RNF168: variants seen among roughly 807,000 people sequenced by gnomAD.
RNF168 encodes the protein ring finger protein 168.
Under a neutral mutation model 34.9 loss-of-function variants are expected in RNF168, and 34 were observed. The ratio of observed to expected loss-of-function variants is 0.97; its 90% CI spans 0.74 to 1.30. The LOEUF is 1.30. Among genes scored for constraint, RNF168 ranks in the 50% most tolerant of loss-of-function variants. RNF168 has a pLI of 0.00. For missense variants in RNF168, 725 were observed against 682.5 expected, an observed-to-expected ratio of 1.06 and a Z score of -0.69; for synonymous variants, 264 against 254.7, an observed-to-expected ratio of 1.04 and a Z score of -0.35.
chr3:196,492,031 A>G (rs2108652169), intron 1 of RNF168, among the ~76,000 whole-genome samples: 1 of 152,342 alleles, frequency 6.6e-6, no homozygotes, highest in Non-Finnish European at 1.5e-5. Flanking sequence ...CAAGCGTGGA[A>G]GATGAGAAAG....
chr3:196,483,126 C>T (rs1296492498), intron 4 of RNF168, among the ~76,000 whole-genome samples: 7 of 151,542 alleles, frequency 4.6e-5, no homozygotes, highest in Admixed American at 3.9e-4. Flanking sequence ...GTACCTCCCT[C>T]ATTTAACATT....
intron 2 of RNF168, 52 bp from the exon 3 acceptor site, chr3:196,487,630 T>A: frequency 1.3e-6 from 2 of 1,508,754 alleles, no homozygotes; most frequent in African/African-American, 2.7e-5. Flanking sequence ...TTGGTATACT[T>A]GCAATATTTC....
At chr3:196,492,573 C>G (rs2108652350) in intron 1 of RNF168, among the ~76,000 whole-genome samples, 1 of 152,146 alleles carries the variant, frequency 6.6e-6, no homozygotes, top group East Asian at 1.9e-4. Flanking sequence ...GTCAGGAGTT[C>G]AAAACCAGCC....
At chr3:196,493,319 T>C (rs954745281) in intron 1 of RNF168, among the ~76,000 whole-genome samples, 7 of 152,360 alleles carry the variant, frequency 4.6e-5, no homozygotes, top group Middle Eastern at 3.4e-3. Flanking sequence ...CAGTGAGTTA[T>C]TCAACTGCAG....
Position 196,500,470 on chromosome 3 carries a change from G to C in RNF168, c.301+2403C>G, listed in dbSNP as rs377438905. 3.9e-5 allele frequency among the ~76,000 whole-genome samples: 6 copies of C among 152,264 alleles called. No homozygotes were observed. In the South Asian group the frequency reaches 6.2e-4, roughly 16 times the overall value. On this transcript the variant is annotated intron_variant, in intron 1 of 5. Transcript: ENST00000318037. ...AGAAGCAGTCGGGTTCACAGAAATG[G>C]AAAGGAGAACGGTGGTTGCCAGGGG...
intron 4 of RNF168, among the ~76,000 whole-genome samples, chr3:196,482,228 G>GAT (rs1560269830): frequency 6.6e-6 from 1 of 151,922 alleles, no homozygotes; most frequent in Non-Finnish European, 1.5e-5. Flanking sequence ...TAATCAACAA[G>GAT]TTGTTTAGAA....
rs762709591 is a variant in RNF168, at chr3:196,503,197, T to G, written c.-24A>C. The G allele has an allele frequency of 1.2e-6, 2 of 1,608,212 alleles. No homozygotes were observed. The highest frequency in any genetic ancestry group is 4.5e-5 in the East Asian group (2 of 44,864). On this transcript the variant is annotated 5_prime_UTR_variant, in exon 1 of 6. Transcript: ENST00000318037. Reference sequence around the variant, plus strand: ...ATTTCAATATGTTAGTAAAGCCGACTAAACAACGACACCTGCACGAAAAAG... The same window carrying G: ...ATTTCAATATGTTAGTAAAGCCGACGAAACAACGACACCTGCACGAAAAAG...
chr3:196,483,115 A>G (rs1453863351), intron 4 of RNF168, among the ~76,000 whole-genome samples: 4 of 150,062 alleles, frequency 2.7e-5, no homozygotes, highest in African/African-American at 7.4e-5. Context: ...TTTTTTTAAT[A>G]GTACCTCCCT....
intron 1 of RNF168, among the ~76,000 whole-genome samples, chr3:196,501,720 A>C (rs934063805): frequency 6.6e-6 from 1 of 152,184 alleles, no homozygotes; most frequent in Admixed American, 6.5e-5. Flanking sequence ...TACATTTTGG[A>C]CAATATTTTA....
At position 196,503,101 on chromosome 3, in the gene RNF168, C is replaced by T. The variant is rs775903846; in HGVS notation, c.73G>A (p.Glu25Lys). 7.7e-5 allele frequency: 125 copies of T among 1,613,968 alleles called. No homozygotes were observed. The highest frequency in any genetic ancestry group is 9.7e-5 in the Non-Finnish European group (114 of 1,180,016). ...QCGICMEILV[E>K]PVTLPCNHTL... ...TGGTTACACGGGAGGGTGACGGGCT[C>T]CACGAGGATTTCCATGCAGATCCCG... Residue 25 changes from glutamate (E) to lysine (K), a missense_variant, in exon 1 of 6, where the codon GAG (glutamate) becomes AAG (lysine). Physicochemically the swap from Glu to Lys is moderately conservative, Grantham distance 56. Coordinates refer to ENST00000318037, the MANE Select transcript of RNF168 (RefSeq NM_152617.4).
intron 1 of RNF168, among the ~76,000 whole-genome samples, chr3:196,491,329 GAAAC>G (rs1385399011): frequency 1.4e-5 from 2 of 146,544 alleles, no homozygotes; most frequent in Non-Finnish European, 3.0e-5. Flanking sequence ...AACAAACAAA[GAAAC>G]AAACAAAAAA....
rs968403587 is a variant in RNF168, at chr3:196,501,272, T to C, written c.301+1601A>G. On this transcript the variant is annotated intron_variant, in intron 1 of 5. Transcript: ENST00000318037. ...ACACAGGTATTCAAACACATACTGG[T>C]ACATAAATGTTCGTATCGCCAGTAT... 3.9e-5 allele frequency among the ~76,000 whole-genome samples: 6 copies of C among 152,284 alleles called. 1 individual carries two copies. In the South Asian group the frequency reaches 1.2e-3, roughly 32 times the overall value.
chr3:196,472,543 T>C lies in RNF168; in HGVS notation c.992A>G (p.Glu331Gly). The C allele has an allele frequency of 6.2e-7, 1 of 1,614,214 alleles. No homozygotes were observed. Residue 331 changes from glutamate to glycine, a missense_variant, in exon 6 of 6, where the codon GAG becomes GGG. Glu to Gly is a moderately conservative substitution (Grantham distance 98, BLOSUM62 -2). Transcript: ENST00000318037. ...HGKELCVLSH[E>G]RPKTRVPYSK... ...GTAGGGAACTCTGGTTTTAGGTCGC[T>C]CGTGACTTAAGACACATAACTCTTT...
Position 196,471,892 on chromosome 3 carries a change from T to C in RNF168, c.1643A>G (p.Lys548Arg), listed in dbSNP as rs878891080. 6 of 1,614,172 alleles carry C rather than the reference T, an allele frequency of 3.7e-6. No individual in the cohort carries two copies. The highest frequency in any genetic ancestry group is 1.1e-5 in the South Asian group (1 of 91,080). ...NSTRDHCKVS[K>R]SAHSLQPSIS... ...GCTAGGCTGTAGGGAGTGAGCACTT[T>C]TGGATACCTTACAGTGATCTCTAGT... The change falls in exon 6 of 6, where the codon AAA becomes AGA. Residue 548 changes from lysine (K) to arginine (R), a missense_variant. By Grantham distance (26) the Lys-to-Arg change is conservative (BLOSUM62 2). Transcript: ENST00000318037.
At chr3:196,476,946 C>T (rs1732164496) in intron 4 of RNF168, among the ~76,000 whole-genome samples, 1 of 151,904 alleles carries the variant, frequency 6.6e-6, no homozygotes, top group Admixed American at 6.6e-5. Context: ...CAGGGTTTCA[C>T]CACGTTGGCC....
chr3:196,481,625 A>T (rs1398725250), intron 4 of RNF168, among the ~76,000 whole-genome samples: 2 of 149,280 alleles, frequency 1.3e-5, no homozygotes, highest in Non-Finnish European at 3.0e-5. Flanking sequence ...TTCATTTTCT[A>T]CCATTAAACC....
At chr3:196,500,321 G>C (rs1732847835) in intron 1 of RNF168, among the ~76,000 whole-genome samples, 1 of 152,180 alleles carries the variant, frequency 6.6e-6, no homozygotes, top group South Asian at 2.1e-4. Flanking sequence ...ACATTATTCA[G>C]CCTGGAAAAG....
At chr3:196,490,152 C>T (rs1214203467) in intron 1 of RNF168, among the ~76,000 whole-genome samples, 1 of 152,142 alleles carries the variant, frequency 6.6e-6, no homozygotes, top group East Asian at 1.9e-4. Context: ...ATTTGAAATA[C>T]ATCTGCAGGA....
chr3:196,500,571 G>C (rs1732855179), intron 1 of RNF168, among the ~76,000 whole-genome samples: 1 of 152,170 alleles, frequency 6.6e-6, no homozygotes, highest in African/African-American at 2.4e-5. Flanking sequence ...TCTGGAGATG[G>C]ACGGTGGTGA....
Sources: allele counts gnomAD v4.1 joint callset (sites outside exome capture counted in the v4.1 genomes callset), GRCh38; gene constraint gnomAD v4.1.1; transcripts MANE v1.5; gene names NCBI Gene and HGNC (gene_info 2026-07-23, HGNC 2026-07-21).